HORMAD2: variants seen among roughly 807,000 people sequenced by gnomAD.
HORMAD2 encodes the protein HORMA domain containing 2.
Under a neutral mutation model 38.8 loss-of-function variants are expected in HORMAD2, and 45 were observed. That is an observed-to-expected ratio of 1.16 (90% CI 0.91 to 1.49). The LOEUF (loss-of-function observed/expected upper bound fraction) is 1.49. HORMAD2 is among the 40% of genes most tolerant of loss of function. The probability of loss-of-function intolerance (pLI) is 0.00; values close to 1 mark genes in which losing one functional copy is unlikely to be tolerated. For missense variants in HORMAD2, 338 were observed against 367.0 expected, an observed-to-expected ratio of 0.92 and a Z score of 0.65; for synonymous variants, 126 against 122.8, an observed-to-expected ratio of 1.03 and a Z score of -0.17.
intron 7 of HORMAD2, 96 bp downstream of exon 7, chr22:30,112,618 A>G (rs1188482396): frequency 6.0e-6 from 3 of 502,440 alleles, no homozygotes; most frequent in Non-Finnish European, 1.0e-5. Context: ...TTACTAGACT[A>G]CCATATGAGC....
At position 30,122,985 on chromosome 22, in the gene HORMAD2, AATG is replaced by A. The variant is rs35049324; in HGVS notation, c.819+774_819+776del. 9.2e-3 allele frequency among the ~76,000 whole-genome samples: 1,401 copies of A among 152,280 alleles called. 13 individuals carry two copies. Among genetic ancestry groups the A allele is most frequent in the Middle Eastern group, 0.027 (8 of 294 alleles). ...TTTTCAGGAGATATTTTAAGATTAG[AATG>A]ATAACTTGTTTGCTTAAGATAATTT... On this transcript the variant is annotated intron_variant, in intron 10 of 10. Coordinates refer to ENST00000336726, the MANE Select transcript of HORMAD2 (RefSeq NM_152510.4).
intron 10 of HORMAD2, among the ~76,000 whole-genome samples, chr22:30,175,263 TATA>T (rs59853370): frequency 3.3e-3 from 344 of 102,828 alleles, no homozygotes; most frequent in Middle Eastern, 0.01. Flanking sequence ...ATAGAATATA[TATA>T]ATAATATATA....
At chr22:30,148,761 T>C (rs1489840753) in intron 10 of HORMAD2, among the ~76,000 whole-genome samples, 1 of 152,064 alleles carries the variant, frequency 6.6e-6, no homozygotes, top group African/African-American at 2.4e-5. Context: ...TCCCAGCACT[T>C]TGGGAGGCCG....
chr22:30,126,516 AT>A (rs747975103), intron 10 of HORMAD2, among the ~76,000 whole-genome samples: 1 of 152,000 alleles, frequency 6.6e-6, no homozygotes, highest in Non-Finnish European at 1.5e-5. Flanking sequence ...ATTTACCCAT[AT>A]TTTTACATGT....
At chr22:30,148,776 G>A (rs915534307) in intron 10 of HORMAD2, among the ~76,000 whole-genome samples, 3 of 152,106 alleles carry the variant, frequency 2.0e-5, no homozygotes, top group African/African-American at 4.8e-5. Flanking sequence ...AGGCCGAGAC[G>A]GGCAGATCAC....
At chr22:30,090,312 G>A (rs964849058) in intron 1 of HORMAD2, among the ~76,000 whole-genome samples, 2 of 152,144 alleles carry the variant, frequency 1.3e-5, no homozygotes, top group African/African-American at 2.4e-5. Flanking sequence ...GCAGTGAGCC[G>A]AGATCACGCC....
At chr22:30,135,019 A>G (rs979710779) in intron 10 of HORMAD2, among the ~76,000 whole-genome samples, 2 of 152,180 alleles carry the variant, frequency 1.3e-5, no homozygotes, top group Admixed American at 6.5e-5. Context: ...GACATTAAGT[A>G]GCATGTCCAA....
the HORMAD2 span, among the ~76,000 whole-genome samples, chr22:30,185,712 T>C: frequency 6.6e-6 from 1 of 152,198 alleles, no homozygotes; most frequent in African/African-American, 2.4e-5. Flanking sequence ...AGTATTATTG[T>C]AATATTCCCT....
the HORMAD2 span, among the ~76,000 whole-genome samples, chr22:30,190,344 T>C: frequency 2.0e-5 from 3 of 152,386 alleles, no homozygotes; most frequent in Non-Finnish European, 4.4e-5. Flanking sequence ...ATCTTGCAGA[T>C]GGTAAGACAT....
At chr22:30,108,159 TAA>T (rs1395667467) in intron 5 of HORMAD2, among the ~76,000 whole-genome samples, 4 of 152,122 alleles carry the variant, frequency 2.6e-5, no homozygotes, top group Non-Finnish European at 4.4e-5. Flanking sequence ...ATAATTATTG[TAA>T]AAAAAGAGAC....
intron 5 of HORMAD2, among the ~76,000 whole-genome samples, chr22:30,107,838 A>G (rs17648370): frequency 0.016 from 2,377 of 152,030 alleles, 32 homozygotes; most frequent in Admixed American, 0.026. Flanking sequence ...CCCCTGTAAG[A>G]GCATGATTAT....
At chr22:30,206,007 A>G in the HORMAD2 span, among the ~76,000 whole-genome samples, 1 of 152,144 alleles carries the variant, frequency 6.6e-6, no homozygotes. Flanking sequence ...TCATTGCATC[A>G]GAAGGGTGAC....
chr22:30,159,583 G>A (rs1485328615), intron 10 of HORMAD2, among the ~76,000 whole-genome samples: 1 of 152,146 alleles, frequency 6.6e-6, no homozygotes, highest in Non-Finnish European at 1.5e-5. Flanking sequence ...GTCAAAAATC[G>A]AATGTTTGCC....
chr22:30,174,493 G>A (rs997771709), intron 10 of HORMAD2, among the ~76,000 whole-genome samples: 1 of 152,196 alleles, frequency 6.6e-6, no homozygotes, highest in African/African-American at 2.4e-5. Context: ...GAGTTCCCAG[G>A]CCTCACTATT....
rs1922493710 is a variant in HORMAD2 at position 30,122,119 on chromosome 22, A to T, written c.724A>T (p.Ile242Phe). 1.2e-5 allele frequency: 20 copies of T among 1,613,756 alleles called. No homozygotes were observed. Among genetic ancestry groups the T allele is most frequent in the Non-Finnish European group, 1.5e-5 (18 of 1,179,788 alleles). Residue 242 changes from isoleucine to phenylalanine, a missense_variant, in exon 10 of 11, where the codon ATT (isoleucine) becomes TTT (phenylalanine). Transcript: ENST00000336726. ...VKVMTEATKV[I>F]DLENNLFREN... is the part of the protein sequence containing the mutation. ...AGTCATGACAGAGGCTACAAAAGTG[A>T]TTGATTTGGAGAACAATCTGTTTCG...
intron 10 of HORMAD2, among the ~76,000 whole-genome samples, chr22:30,172,141 T>C (rs767253681): frequency 2.6e-5 from 4 of 152,142 alleles, no homozygotes; most frequent in Non-Finnish European, 4.4e-5. Flanking sequence ...TAAAGAACTA[T>C]GTCTGGGGTA....
At chr22:30,090,621 A>G (rs1309256257) in intron 1 of HORMAD2, among the ~76,000 whole-genome samples, 1 of 152,072 alleles carries the variant, frequency 6.6e-6, no homozygotes, top group Admixed American at 6.6e-5. Context: ...TGCCATTGCT[A>G]TTTTCCACAA....
intron 3 of HORMAD2, among the ~76,000 whole-genome samples, chr22:30,102,197 C>T (rs898075145): frequency 1.3e-5 from 2 of 152,206 alleles, no homozygotes; most frequent in Non-Finnish European, 2.9e-5. Flanking sequence ...CTATGAGATA[C>T]AAACTTGTAA....
At chr22:30,151,962 A>C (rs1272814222) in intron 10 of HORMAD2, among the ~76,000 whole-genome samples, 1 of 152,140 alleles carries the variant, frequency 6.6e-6, no homozygotes, top group African/African-American at 2.4e-5. Context: ...GGTAGAAATA[A>C]AAGCCTTCAG....
Sources: gnomAD v4.1 joint callset for allele counts (sites outside exome capture counted in the v4.1 genomes callset) on GRCh38, gnomAD v4.1.1 for gene constraint, MANE v1.5 for transcripts, NCBI Gene and HGNC (gene_info 2026-07-23, HGNC 2026-07-21) for gene names.